The following MAPK10 variants were observed in gnomAD, a reference collection of about 807,000 sequenced individuals.
MAPK10 encodes mitogen-activated protein kinase 10.
MAPK10 carries 25 observed loss-of-function variants against 59.3 expected under a neutral mutation model. The observed-to-expected ratio is 0.42, with a 90% CI of 0.31 to 0.59. The LOEUF is 0.59. MAPK10 is among the 20% of genes least tolerant of loss of function. The pLI is 0.15. For synonymous variants in MAPK10, 190 were observed against 200.5 expected (o/e 0.95, Z 0.44); for missense variants, 351 against 568.9 (o/e 0.62, Z 3.90).
At chr4:86,426,698 T>A (rs1172623725) in intron 1 of MAPK10, among the ~76,000 whole-genome samples, 1 of 152,136 alleles carries the variant, frequency 6.6e-6, no homozygotes, top group African/African-American at 2.4e-5. Context: ...CGAGCATGGA[T>A]CCCTTTCTGT....
At chr4:86,544,121 C>G (rs1158598927) in intron 1 of MAPK10, among the ~76,000 whole-genome samples, 1 of 152,152 alleles carries the variant, frequency 6.6e-6, no homozygotes, top group Non-Finnish European at 1.5e-5. Context: ...AGAAGATTAT[C>G]ACCCACAAAG....
intron 1 of MAPK10, among the ~76,000 whole-genome samples, chr4:86,586,419 T>C (rs1762655953): frequency 6.6e-6 from 1 of 152,216 alleles, no homozygotes; most frequent in African/African-American, 2.4e-5. Context: ...CTTTCACTCA[T>C]CATCGAAACT....
intron 1 of MAPK10, among the ~76,000 whole-genome samples, chr4:86,463,354 T>C (rs936376328): frequency 3.3e-5 from 5 of 152,218 alleles, no homozygotes; most frequent in Non-Finnish European, 5.9e-5. Context: ...GTGTTATCAT[T>C]GGAAAGTGTT....
chr4:86,324,294 C>T (rs1260378781), intron 2 of MAPK10, among the ~76,000 whole-genome samples: 2 of 152,012 alleles, frequency 1.3e-5, no homozygotes, highest in Admixed American at 1.3e-4. Flanking sequence ...GCCTGTAATC[C>T]CAGCTACTCG....
At chr4:86,518,368 T>C (rs1308214683) in intron 1 of MAPK10, among the ~76,000 whole-genome samples, 1 of 152,234 alleles carries the variant, frequency 6.6e-6, no homozygotes, top group Non-Finnish European at 1.5e-5. Flanking sequence ...CGGGAATTTA[T>C]CCATTTCCTC....
chr4:86,411,371 A>G (rs998965113), intron 1 of MAPK10, among the ~76,000 whole-genome samples: 1 of 152,222 alleles, frequency 6.6e-6, no homozygotes, highest in Non-Finnish European at 1.5e-5. Context: ...AGAAGAATGT[A>G]TACTCTGTTG....
At chr4:86,217,658 T>A (rs183333899) in intron 2 of MAPK10, among the ~76,000 whole-genome samples, 1 of 152,324 alleles carries the variant, frequency 6.6e-6, no homozygotes, top group African/African-American at 2.4e-5. Flanking sequence ...TTTGTATATG[T>A]ACACATGTGA....
rs11946258 is a variant in MAPK10 at position 86,443,516 on chromosome 4, C to T, written c.-122+9514G>A. On this transcript the variant is annotated intron_variant, in intron 1 of 13. Coordinates refer to the MAPK10 transcript ENST00000361569. ...CACCTAAGATGGGTGCAAGGAGAAC[C>T]GAGAAGCACTTGTGAAGTTCACAGA... 6.1e-3 allele frequency among the ~76,000 whole-genome samples: 921 copies of T among 152,168 alleles called. 7 individuals are homozygous for T. The highest frequency in any genetic ancestry group is 0.02 in the African/African-American group (823 of 41,520).
chr4:86,151,688 G>C (rs1331486656), intron 4 of MAPK10, among the ~76,000 whole-genome samples: 1 of 152,126 alleles, frequency 6.6e-6, no homozygotes, highest in Non-Finnish European at 1.5e-5. Flanking sequence ...GGGATGCCTT[G>C]AAAGAGAGAT....
chr4:86,542,601 A>ACTCTCTC (rs1758800113), intron 1 of MAPK10: 1 of 153,828 alleles, frequency 6.5e-6, no homozygotes, highest in South Asian at 2.0e-4. Context: ...GCAACGTGAG[A>ACTCTCTC]CTCTCTCTAA....
intron 9 of MAPK10, among the ~76,000 whole-genome samples, chr4:86,093,990 T>C (rs2053737708): frequency 6.6e-6 from 1 of 151,954 alleles, no homozygotes; most frequent in Admixed American, 6.6e-5. Flanking sequence ...TTATATTGTT[T>C]GAAATAACTC....
intron 1 of MAPK10, among the ~76,000 whole-genome samples, chr4:86,482,206 T>C (rs1468068905): frequency 6.6e-6 from 1 of 152,212 alleles, no homozygotes; most frequent in Non-Finnish European, 1.5e-5. Context: ...CCTAGCTCAT[T>C]TGTAGGGGAA....
intron 1 of MAPK10, among the ~76,000 whole-genome samples, chr4:86,559,219 G>A (rs984447768): frequency 2.0e-5 from 3 of 151,510 alleles, no homozygotes; most frequent in African/African-American, 4.9e-5. Context: ...CAAATCCAAC[G>A]GTTTTGCTGT....
chr4:86,364,897 T>C (rs538759279), upstream of MAPK10, among the ~76,000 whole-genome samples: 8 of 152,208 alleles, frequency 5.3e-5, no homozygotes, highest in East Asian at 1.6e-3. Context: ...GAAGGATTGC[T>C]TGAACCCAGA....
rs35357476 is a variant in MAPK10, at chr4:86,191,553, C to CTTTTTTTTTTTTTTT, written c.66+2768_66+2782dup. Reference sequence around the variant, plus strand: ...TCAGAGACTAGGATTACAACCCGTGCTTTTTTTTTTTTTTTTTTTTTTTTT... The same window carrying CTTTTTTTTTTTTTTT: ...TCAGAGACTAGGATTACAACCCGTGCTTTTTTTTTTTTTTTTTTTTTTTTTTTTTTTTTTTTTTTT... On this transcript the variant is annotated intron_variant, in intron 3 of 13. Coordinates refer to ENST00000641462, the MANE Select transcript of MAPK10 (RefSeq NM_138982.4). 7 of 30,414 alleles carry CTTTTTTTTTTTTTTT rather than the reference C, an allele frequency of 2.3e-4. 1 individual carries two copies. The highest frequency in any genetic ancestry group is 4.6e-4 in the Non-Finnish European group (4 of 8,630). 1.9% of individuals were successfully genotyped at this position (30,414 alleles called of 1,614,324 possible).
Position 86,230,716 on chromosome 4 carries a change from C to T in MAPK10, c.-6-36309G>A, listed in dbSNP as rs193062887. ...TTAAAACTACCCTTGATTTATTCCC[C>T]TTTATTTCTATGCAATTTAAGTTTT... is the stretch of plus-strand genomic sequence containing the variant. On this transcript the variant is annotated intron_variant, in intron 2 of 13. Coordinates refer to ENST00000641462, the MANE Select transcript of MAPK10 (RefSeq NM_138982.4). 1.6e-3 allele frequency among the ~76,000 whole-genome samples: 249 copies of T among 152,224 alleles called. 1 individual carries two copies. Among genetic ancestry groups the T allele is most frequent in the African/African-American group, 5.9e-3 (245 of 41,546 alleles).
At chr4:86,173,262 T>C (rs886220816) in intron 3 of MAPK10, among the ~76,000 whole-genome samples, 1 of 152,014 alleles carries the variant, frequency 6.6e-6, no homozygotes, top group Non-Finnish European at 1.5e-5. Flanking sequence ...AATACGAGTA[T>C]AAAAACAGAT....
chr4:86,277,390 CTG>C (rs1469652500), intron 2 of MAPK10, among the ~76,000 whole-genome samples: 3 of 152,010 alleles, frequency 2.0e-5, no homozygotes, highest in African/African-American at 7.2e-5. Flanking sequence ...GGGAAAGAAA[CTG>C]AGTTCTTTTT....
intron 2 of MAPK10, among the ~76,000 whole-genome samples, chr4:86,195,783 T>C (rs1209932938): frequency 6.6e-6 from 1 of 152,140 alleles, no homozygotes; most frequent in Non-Finnish European, 1.5e-5. Context: ...TGTGTTCTCA[T>C]TGTTCAGCTC....
Sources: allele counts gnomAD v4.1 joint callset (sites outside exome capture counted in the v4.1 genomes callset), GRCh38; gene constraint gnomAD v4.1.1; transcripts MANE v1.5; gene names NCBI Gene and HGNC (gene_info 2026-07-23, HGNC 2026-07-21).